Variants in AXDND1 observed in about 807,000 individuals in gnomAD.
AXDND1 encodes axonemal dynein light chain domain containing 1.
In AXDND1, 110 loss-of-function variants were observed where a neutral mutation model predicts 137.5. That is an observed-to-expected ratio of 0.80 (90% CI 0.69 to 0.94). The LOEUF is 0.94. Ranked by LOEUF, AXDND1 falls within the 40% of genes least tolerant of loss-of-function variation. The pLI is 0.00. For missense variants in AXDND1, 1,191 were observed against 1,169.8 expected, an observed-to-expected ratio of 1.02 and a Z score of -0.26; for synonymous variants, 414 against 399.7, an observed-to-expected ratio of 1.04 and a Z score of -0.43.
intron 23 of AXDND1, among the ~76,000 whole-genome samples, chr1:179,531,054 C>A (rs1670994114): frequency 6.6e-6 from 1 of 152,002 alleles, no homozygotes; most frequent in Admixed American, 6.6e-5. Context: ...AGGCAGGGGG[C>A]CAGGGTATGG....
chr1:179,441,868 C>T (rs977184176), intron 15 of AXDND1, among the ~76,000 whole-genome samples: 3 of 152,128 alleles, frequency 2.0e-5, no homozygotes, highest in Non-Finnish European at 4.4e-5. Flanking sequence ...ATTTAAATTC[C>T]ATATCAGATA....
At chr1:179,375,168 G>T (rs2125061811) in intron 4 of AXDND1, among the ~76,000 whole-genome samples, 1 of 151,914 alleles carries the variant, frequency 6.6e-6, no homozygotes, top group Non-Finnish European at 1.5e-5. Flanking sequence ...GTGTGATCTT[G>T]GCTCACTGCA....
rs57848949 is a variant in AXDND1 at position 179,488,634 on chromosome 1, C to CCTTTCTTTCTTTCTTT, written c.2092-2854_2092-2839dup. ...TTTCTTTCTTTCTCTCTCTCTCTCTCCTTTCTTTCTTTCTTTCTTTCTTTC... is the reference window on the plus strand; with the variant it reads ...TTTCTTTCTTTCTCTCTCTCTCTCTCCTTTCTTTCTTTCTTTCTTTCTTTCTTTCTTTCTTTCTTTC... On this transcript the variant is annotated intron_variant, in intron 18 of 25. Coordinates refer to ENST00000367618, the MANE Select transcript of AXDND1 (RefSeq NM_144696.6). 3.3e-4 allele frequency among the ~76,000 whole-genome samples: 35 copies of CCTTTCTTTCTTTCTTT among 105,254 alleles called. 1 individual carries two copies. Among genetic ancestry groups the CCTTTCTTTCTTTCTTT allele is most frequent in the South Asian group, 1.5e-3 (5 of 3,302 alleles). The allele number at this position is 105,254 out of a possible 152,430, so 69.1% of individuals were successfully genotyped here.
At chr1:179,446,763 T>C (rs1659790968) in intron 16 of AXDND1, among the ~76,000 whole-genome samples, 1 of 152,182 alleles carries the variant, frequency 6.6e-6, no homozygotes, top group African/African-American at 2.4e-5. Context: ...TTTTCAGATA[T>C]GTGAATTCTA....
intron 17 of AXDND1, among the ~76,000 whole-genome samples, chr1:179,479,902 A>G (rs1389308512): frequency 6.6e-6 from 1 of 152,246 alleles, no homozygotes; most frequent in East Asian, 1.9e-4. Context: ...GCTTAAATAT[A>G]ACAAGAGTCT....
intron 20 of AXDND1, among the ~76,000 whole-genome samples, chr1:179,501,636 G>A (rs889681429): frequency 3.9e-5 from 6 of 152,002 alleles, no homozygotes; most frequent in Non-Finnish European, 7.4e-5. Context: ...CGCTTGAACC[G>A]GGAAGGCGGA....
chr1:179,438,864 G>A (rs1207773572), intron 15 of AXDND1, among the ~76,000 whole-genome samples: 2 of 152,190 alleles, frequency 1.3e-5, no homozygotes, highest in Non-Finnish European at 1.5e-5. Context: ...CAACCCAGAT[G>A]TTGCCATTCA....
chr1:179,491,584 T>C lies in AXDND1; in HGVS notation c.2138T>C (p.Leu713Pro). 1 of 1,613,186 alleles carries C rather than the reference T, an allele frequency of 6.2e-7. No homozygotes were observed. The highest frequency in any genetic ancestry group is 8.5e-7 in the Non-Finnish European group (1 of 1,179,134). ...ATGATCCAGTGGATGGTAAACTTGC[T>C]GATTTTAATGATACCCAACTTTACT... ...ISMIQWMVNL[L>P]ILMIPNFTDQ... Residue 713 changes from leucine to proline, a missense_variant, in exon 19 of 26, where the codon CTG (leucine) becomes CCG (proline). Coordinates refer to ENST00000367618, the MANE Select transcript of AXDND1 (RefSeq NM_144696.6).
chr1:179,386,347 C>T (rs1430296632), intron 9 of AXDND1, among the ~76,000 whole-genome samples: 3 of 152,086 alleles, frequency 2.0e-5, no homozygotes, highest in Non-Finnish European at 1.5e-5. Context: ...CGAGCCCAGC[C>T]TTAAGATTTT....
Position 179,370,724 on chromosome 1 carries a change from A to C in AXDND1, c.374+646A>C, listed in dbSNP as rs115677869. ...TTACTCCATGCATGCGCCCTCACTTAAATGTCCCTTCTACTGAAACAAATG... is the reference window on the plus strand; with the variant it reads ...TTACTCCATGCATGCGCCCTCACTTCAATGTCCCTTCTACTGAAACAAATG... On this transcript the variant is annotated intron_variant, in intron 4 of 25. Transcript: ENST00000367618. Among the ~76,000 whole-genome samples the C allele has an allele frequency of 3.0e-3, 464 of 152,326 alleles. 3 individuals are homozygous for C. Among genetic ancestry groups the C allele is most frequent in the African/African-American group, 0.01 (430 of 41,576 alleles).
At chr1:179,433,293 T>C (rs533154012) in intron 15 of AXDND1, among the ~76,000 whole-genome samples, 2 of 152,298 alleles carry the variant, frequency 1.3e-5, no homozygotes, top group South Asian at 4.1e-4. Flanking sequence ...GTCTATTTTG[T>C]TAATTTTTTC....
intron 10 of AXDND1, among the ~76,000 whole-genome samples, chr1:179,394,484 G>A (rs1374122626): frequency 2.6e-5 from 4 of 152,088 alleles, no homozygotes; most frequent in Non-Finnish European, 5.9e-5. Flanking sequence ...CAACTACTGG[G>A]GAGGTTGAGG....
intron 25 of AXDND1, among the ~76,000 whole-genome samples, chr1:179,547,863 A>G (rs1349348238): frequency 6.6e-6 from 1 of 152,122 alleles, no homozygotes; most frequent in African/African-American, 2.4e-5. Context: ...CTGGTAATTC[A>G]GCTCTCATTT....
At chr1:179,548,178 C>A (rs1167818401) in intron 25 of AXDND1, among the ~76,000 whole-genome samples, 1 of 152,138 alleles carries the variant, frequency 6.6e-6, no homozygotes, top group Non-Finnish European at 1.5e-5. Flanking sequence ...TGTGGAGGGG[C>A]CAGCAGGCTC....
chr1:179,432,402 G>T lies in AXDND1; in HGVS notation c.1563+60G>T, dbSNP rs148375054. Reference sequence around the variant, plus strand: ...GTGCTGATTGTAAACTTGGCATTCCGGACCTACAACTGAGGCACATCCCAT... The same window carrying T: ...GTGCTGATTGTAAACTTGGCATTCCTGACCTACAACTGAGGCACATCCCAT... On this transcript the variant is annotated intron_variant, in intron 15 of 25. Transcript: ENST00000367618. 6.1e-6 allele frequency: 9 copies of T among 1,473,862 alleles called. No homozygotes were observed. In the Admixed American group the frequency reaches 2.3e-4, roughly 38 times the overall value. 91.3% of individuals were successfully genotyped at this position (1,473,862 alleles called of 1,614,324 possible). A position where few individuals can be genotyped will look rare whatever the true frequency, so the allele number is the denominator to read the frequency against.
chr1:179,509,468 C>A, intron 21 of AXDND1, 65 bp downstream of exon 21: 3 of 1,065,678 alleles, frequency 2.8e-6, no homozygotes, highest in Admixed American at 2.2e-5. Context: ...ACAGAAGGTT[C>A]ACAGCTTTTT....
intron 16 of AXDND1, chr1:179,448,673 G>A (rs769340013): frequency 2.7e-5 from 5 of 186,872 alleles, no homozygotes; most frequent in Non-Finnish European, 4.5e-5. Context: ...CTTGGGACTC[G>A]CCAGGACATC....
chr1:179,534,979 A>G lies in AXDND1; in HGVS notation c.3031+17A>G. ...CAAAGAAAGGTAAGGATTGCTTCGT[A>G]TTTTGCTTTATTCAGGTTGTATTTA... is the stretch of plus-strand genomic sequence containing the variant. On this transcript the variant is annotated intron_variant, in intron 25 of 25. Transcript: ENST00000367618. 6.2e-7 allele frequency: 1 copy of G among 1,606,524 alleles called. No individual in the cohort carries two copies. The highest frequency in any genetic ancestry group is 8.5e-7 in the Non-Finnish European group (1 of 1,178,122).
chr1:179,418,716 G>A (rs1236424219), intron 12 of AXDND1, among the ~76,000 whole-genome samples: 1 of 149,886 alleles, frequency 6.7e-6, no homozygotes, highest in East Asian at 2.0e-4. Flanking sequence ...CGGGCGGGGG[G>A]CTGACCCCCA....
Sources: gnomAD v4.1 joint callset for allele counts (sites outside exome capture counted in the v4.1 genomes callset) on GRCh38, gnomAD v4.1.1 for gene constraint, MANE v1.5 for transcripts, NCBI Gene and HGNC (gene_info 2026-07-23, HGNC 2026-07-21) for gene names.